GRIK4: variants seen among roughly 807,000 people sequenced by gnomAD.
GRIK4 encodes glutamate receptor ionotropic, kainate 4.
GRIK4 carries 40 observed loss-of-function variants against 104.9 expected under a neutral mutation model. That is an observed-to-expected ratio of 0.38 (90% CI 0.30 to 0.50). The LOEUF (loss-of-function observed/expected upper bound fraction) is 0.50. Among genes scored for constraint, GRIK4 ranks in the 20% least tolerant of loss-of-function variants. GRIK4 has a pLI of 0.93. For missense variants in GRIK4, 1,047 were observed against 1,308.1 expected (o/e 0.80, Z 3.08); for synonymous variants, 485 against 524.9 (o/e 0.92, Z 1.04).
At chr11:120,935,977 G>A in intron 13 of GRIK4, 1 of 199,270 alleles carries the variant, frequency 5.0e-6, no homozygotes, top group South Asian at 9.0e-5. Context: ...TGTGTATGGG[G>A]GGGTGGGTGT....
At chr11:120,963,608 G>C (rs1015055833) in intron 18 of GRIK4, among the ~76,000 whole-genome samples, 2 of 152,214 alleles carry the variant, frequency 1.3e-5, no homozygotes, top group Non-Finnish European at 2.9e-5. Flanking sequence ...GACTCTGGGA[G>C]AAAATTGGTA....
At chr11:120,793,504 G>A (rs937922219) in intron 3 of GRIK4, among the ~76,000 whole-genome samples, 1 of 152,180 alleles carries the variant, frequency 6.6e-6, no homozygotes, top group African/African-American at 2.4e-5. Flanking sequence ...AGCTTGTTGG[G>A]AAGGTATGGG....
chr11:120,836,726 T>C (rs1953583528), intron 7 of GRIK4, 65 bp from the exon 8 acceptor site: 1 of 1,002,712 alleles, frequency 1.0e-6, no homozygotes, highest in Non-Finnish European at 1.6e-6. Context: ...TTGGAACCCC[T>C]ACTGCTCATT....
At chr11:120,914,264 A>G (rs756960658) in intron 13 of GRIK4, among the ~76,000 whole-genome samples, 2 of 152,244 alleles carry the variant, frequency 1.3e-5, no homozygotes, top group Non-Finnish European at 2.9e-5. Context: ...ATGCTATATT[A>G]ATAATAGTTA....
In GRIK4 at chr11:120,752,467, A is replaced by G. The variant is rs74727165; in HGVS notation, c.83-50226A>G. ...AGGCCCCTGTCTAAGAGCTGTTACA[A>G]AAGCCATAGTGACCCCAGCTTGGGT... is the stretch of plus-strand genomic sequence containing the variant. On this transcript the variant is annotated intron_variant, in intron 3 of 20. Coordinates refer to ENST00000527524, the MANE Select transcript of GRIK4 (RefSeq NM_014619.5). Among the ~76,000 whole-genome samples, 56 of 152,304 alleles carry G rather than the reference A, an allele frequency of 3.7e-4. No individual in the cohort carries two copies. In the East Asian group the frequency reaches 9.1e-3, roughly 25 times the overall value.
chr11:120,936,015 C>A, intron 13 of GRIK4: 1 of 210,610 alleles, frequency 4.7e-6, no homozygotes, highest in Non-Finnish European at 9.7e-6. Flanking sequence ...AGAAAAAATG[C>A]TCTAGAACCA....
intron 6 of GRIK4, among the ~76,000 whole-genome samples, chr11:120,822,947 G>A (rs943244217): frequency 6.6e-6 from 1 of 152,232 alleles, no homozygotes; most frequent in African/African-American, 2.4e-5. Context: ...AAGGAACACA[G>A]TGGGAAGCTC....
At chr11:120,983,248 T>C (rs1944682345) in intron 20 of GRIK4, among the ~76,000 whole-genome samples, 2 of 152,158 alleles carry the variant, frequency 1.3e-5, no homozygotes, top group African/African-American at 4.8e-5. Context: ...GTGTCTGCCA[T>C]ATTTCAAAAT....
chr11:120,982,347 C>G, intron 20 of GRIK4, 123 bp downstream of exon 20: 1 of 683,312 alleles, frequency 1.5e-6, no homozygotes, highest in East Asian at 2.5e-5. Context: ...AATCCCAGTG[C>G]CCAGCAGAGG....
intron 1 of GRIK4, among the ~76,000 whole-genome samples, chr11:120,587,078 C>G (rs1267483174): frequency 6.6e-6 from 1 of 152,144 alleles, no homozygotes; most frequent in Non-Finnish European, 1.5e-5. Flanking sequence ...CTTTACAAAA[C>G]TGAAAATATA....
intron 11 of GRIK4, 94 bp downstream of exon 11, chr11:120,875,337 AT>A: frequency 1.2e-6 from 1 of 801,112 alleles, no homozygotes; most frequent in Non-Finnish European, 2.2e-6. Context: ...GCTCCCAGTT[AT>A]CCCCAACAGC....
At chr11:120,526,415 C>T (rs566529615) in intron 1 of GRIK4, among the ~76,000 whole-genome samples, 2 of 152,216 alleles carry the variant, frequency 1.3e-5, no homozygotes, top group Non-Finnish European at 2.9e-5. Flanking sequence ...GTTGCCCCGG[C>T]TTGAACTTCT....
rs115468556 is a variant in GRIK4, at chr11:120,819,218, G to C, written c.346-537G>C. Among the ~76,000 whole-genome samples the C allele has an allele frequency of 6.6e-6, 1 of 152,122 alleles. No homozygotes were observed. The highest frequency in any genetic ancestry group is 2.1e-4 in the South Asian group (1 of 4,822). ...TGTGTCTGTGCGGGAGCCCATCCCC[G>C]CCCCACTTCCTCTCCCTGGGCATTC... On this transcript the variant is annotated intron_variant, in intron 5 of 20. Transcript: ENST00000527524. This position sits in a 1 kb window ranked among gnomAD's most constrained non-coding sequence, Gnocchi z 4.3.
At chr11:120,862,445 C>G in intron 9 of GRIK4, among the ~76,000 whole-genome samples, 1 of 152,178 alleles carries the variant, frequency 6.6e-6, no homozygotes, top group Non-Finnish European at 1.5e-5. Flanking sequence ...GTTGGAAGGG[C>G]CTTTAAGCTG....
chr11:120,633,217 G>T (rs1483719644), intron 1 of GRIK4, among the ~76,000 whole-genome samples: 1 of 152,134 alleles, frequency 6.6e-6, no homozygotes, highest in Non-Finnish European at 1.5e-5. Context: ...AGTGCCAATG[G>T]CAAGGTAATT....
intron 6 of GRIK4, among the ~76,000 whole-genome samples, chr11:120,831,118 C>A (rs1202035199): frequency 6.6e-6 from 1 of 152,124 alleles, no homozygotes; most frequent in African/African-American, 2.4e-5. Flanking sequence ...TTCTTGCCTG[C>A]TGGAGTGCAG....
rs952258340 is a variant in GRIK4, at chr11:120,953,075, T to C, written c.1700+111T>C. On this transcript the variant is annotated intron_variant, in intron 15 of 20. Coordinates refer to ENST00000527524, the MANE Select transcript of GRIK4 (RefSeq NM_014619.5). The surrounding 1 kb of genome is among the most constrained non-coding windows in gnomAD (Gnocchi z 4.9). ...AGAGGGGGAGGAGGAGTTGGGAAGA[T>C]CTTGGTGCCAAACTAGAAGGACAGG... 18 of 701,976 alleles carry C rather than the reference T, an allele frequency of 2.6e-5. No individual in the cohort carries two copies. Among genetic ancestry groups the C allele is most frequent in the Non-Finnish European group, 3.7e-5 (15 of 403,248 alleles). The allele number at this position is 701,976 out of a possible 1,614,324, so 43.5% of individuals were successfully genotyped here.
intron 3 of GRIK4, among the ~76,000 whole-genome samples, chr11:120,685,745 GCT>G (rs992642044): frequency 4.6e-5 from 7 of 152,248 alleles, no homozygotes; most frequent in African/African-American, 1.7e-4. Flanking sequence ...GCTTTTTGAA[GCT>G]CTCTCTTGAT....
intron 3 of GRIK4, among the ~76,000 whole-genome samples, chr11:120,756,493 T>A (rs1300328466): frequency 6.6e-6 from 1 of 152,200 alleles, no homozygotes; most frequent in African/African-American, 2.4e-5. Flanking sequence ...CTCTTGTTTG[T>A]GGTTGTTCTT....
Sources: allele counts gnomAD v4.1 joint callset (sites outside exome capture counted in the v4.1 genomes callset), GRCh38; gene constraint gnomAD v4.1.1; non-coding constraint Gnocchi (gnomAD v3.1); transcripts MANE v1.5; gene names NCBI Gene and HGNC (gene_info 2026-07-23, HGNC 2026-07-21).